Variants in IL1RAPL1 observed in about 807,000 individuals in gnomAD.
IL1RAPL1 encodes interleukin 1 receptor accessory protein like 1, also known as interleukin-1 receptor accessory protein-like 1.
In IL1RAPL1, 3 loss-of-function variants were observed where a neutral mutation model predicts 48.4. That is an observed-to-expected ratio of 0.06 (90% confidence interval 0.03 to 0.16). The LOEUF (loss-of-function observed/expected upper bound fraction) is 0.16, where lower values mean the gene tolerates loss of function less well. Among genes scored for constraint, IL1RAPL1 ranks in the 10% least tolerant of loss-of-function variants. The pLI, the probability that IL1RAPL1 is intolerant of heterozygous loss-of-function variation, is 1.00. For missense variants in IL1RAPL1, 349 were observed against 530.6 expected (o/e 0.66, Z 3.36); for synonymous variants, 185 against 187.7 (o/e 0.99, Z 0.12).
At chrX:29,277,051 A>G (rs1481764030) in intron 2 of IL1RAPL1, among the ~76,000 whole-genome samples, 2 of 112,617 alleles carry the variant, frequency 1.8e-5, no homozygotes, top group African/African-American at 6.4e-5. Flanking sequence ...ACTAAAGAAC[A>G]TAGGGTAACT....
At chrX:28,854,914 C>CA (rs1255930993) in intron 2 of IL1RAPL1, among the ~76,000 whole-genome samples, 1 of 111,876 alleles carries the variant, frequency 8.9e-6, no homozygotes, top group Non-Finnish European at 1.9e-5. Flanking sequence ...CTGGAGTCAG[C>CA]AAGAGTAAAT....
chrX:29,285,524 CAAAAAAAAAAAAAAAAAAAA>C (rs778913919), intron 3 of IL1RAPL1, among the ~76,000 whole-genome samples: 1 of 11,569 alleles, frequency 8.6e-5, no homozygotes. Context: ...AACTCCGTCT[CAAAAAAAAAAAAAAAAAAAA>C]AAAAAAAAAA....
At chrX:29,537,871 G>T (rs965027927) in intron 5 of IL1RAPL1, among the ~76,000 whole-genome samples, 1 of 111,367 alleles carries the variant, frequency 9.0e-6, no homozygotes, top group Non-Finnish European at 1.9e-5. Context: ...TATCATAATT[G>T]TAGCAAAACC....
chrX:29,521,050 A>G (rs1030391635), intron 5 of IL1RAPL1, among the ~76,000 whole-genome samples: 1 of 111,998 alleles, frequency 8.9e-6, no homozygotes, highest in Non-Finnish European at 1.9e-5. Context: ...AGGAAAAGAT[A>G]TGAATATCAA....
At chrX:28,658,773 G>T (rs1934781032) in intron 1 of IL1RAPL1, among the ~76,000 whole-genome samples, 1 of 110,267 alleles carries the variant, frequency 9.1e-6, no homozygotes, top group African/African-American at 3.3e-5. Flanking sequence ...AAATTTAACG[G>T]GTTTATTTAT....
chrX:28,794,957 G>A (rs1936592711), intron 2 of IL1RAPL1, among the ~76,000 whole-genome samples: 1 of 111,675 alleles, frequency 9.0e-6, no homozygotes, highest in Non-Finnish European at 1.9e-5. Context: ...GAGCATTCCT[G>A]TAAGTCAATG....
At position 29,239,982 on chromosome X, in the gene IL1RAPL1, G is replaced by C. The variant is rs62586250; in HGVS notation, c.83-42956G>C. The stretch of plus-strand genomic sequence containing the variant: ...CTGCTTCCTTCTTCCACTTAAGGAT[G>C]GTTATTATTAAATTGGATCCACCTG... On this transcript the variant is annotated intron_variant, in intron 2 of 10. Coordinates refer to ENST00000378993, the MANE Select transcript of IL1RAPL1 (RefSeq NM_014271.4). 4.2e-4 allele frequency among the ~76,000 whole-genome samples: 45 copies of C among 106,464 alleles called. 1 individual carries two copies. The highest frequency in any genetic ancestry group is 1.3e-4 in the Non-Finnish European group (7 of 51,979). The allele number at this position is 106,464 out of a possible 115,157, so 92.5% of individuals were successfully genotyped here. A position where few individuals can be genotyped will look rare whatever the true frequency, so the allele number is the denominator to read the frequency against.
chrX:29,597,451 C>G (rs867376461), intron 5 of IL1RAPL1, among the ~76,000 whole-genome samples: 12 of 111,520 alleles, frequency 1.1e-4, no homozygotes, highest in Non-Finnish European at 1.9e-4. Flanking sequence ...CCACGCCCGG[C>G]CTTGTTGAGG....
At chrX:29,463,830 G>A (rs1934831163) in intron 5 of IL1RAPL1, among the ~76,000 whole-genome samples, 1 of 111,259 alleles carries the variant, frequency 9.0e-6, no homozygotes, top group South Asian at 3.8e-4. Context: ...ACATACTCTG[G>A]GGGAAACCAA....
At chrX:28,900,341 A>G (rs1011983067) in intron 2 of IL1RAPL1, among the ~76,000 whole-genome samples, 1 of 112,094 alleles carries the variant, frequency 8.9e-6, no homozygotes, top group Admixed American at 9.5e-5. Context: ...TAATAGGGCC[A>G]TTAAATTACG....
intron 2 of IL1RAPL1, among the ~76,000 whole-genome samples, chrX:28,805,555 G>A (rs1016228729): frequency 1.8e-5 from 2 of 110,747 alleles, no homozygotes; most frequent in Admixed American, 9.6e-5. Context: ...GTTAACACAG[G>A]GAGAAGCTTT....
intron 8 of IL1RAPL1, among the ~76,000 whole-genome samples, chrX:29,925,429 T>G (rs1263891094): frequency 4.7e-4 from 11 of 23,540 alleles, no homozygotes; most frequent in African/African-American, 1.0e-3. Context: ...TTTTTTTTTT[T>G]TTTTTTTTTT....
At chrX:29,724,846 A>T (rs1263519987) in intron 6 of IL1RAPL1, among the ~76,000 whole-genome samples, 1 of 112,359 alleles carries the variant, frequency 8.9e-6, no homozygotes, top group East Asian at 2.8e-4. Context: ...AGTAAGCATG[A>T]CATAATATTA....
chrX:29,805,981 AAGAG>A (rs370898336), intron 6 of IL1RAPL1, among the ~76,000 whole-genome samples: 9 of 107,065 alleles, frequency 8.4e-5, no homozygotes, highest in African/African-American at 2.7e-4. Context: ...TATATACAGG[AAGAG>A]AGAGAGAGAG....
chrX:29,657,838 T>G lies in IL1RAPL1; in HGVS notation c.704-10592T>G, dbSNP rs779529295. ...AATTAGTGACTGTTTTTTTTTTTTT[T>G]TTTTGGTTTTTTGCCTGTCAATAGA... On this transcript the variant is annotated intron_variant, in intron 5 of 10. Coordinates refer to ENST00000378993, the MANE Select transcript of IL1RAPL1 (RefSeq NM_014271.4). Among the ~76,000 whole-genome samples, 5 of 107,934 alleles carry G rather than the reference T, an allele frequency of 4.6e-5. No individual in the cohort carries two copies. In the South Asian group the frequency reaches 2.1e-3, roughly 45 times the overall value. 93.7% of individuals were successfully genotyped at this position (107,934 alleles called of 115,157 possible). A position where few individuals can be genotyped will look rare whatever the true frequency, so the allele number is the denominator to read the frequency against.
chrX:29,617,246 T>A (rs1924316916), intron 5 of IL1RAPL1, among the ~76,000 whole-genome samples: 1 of 112,484 alleles, frequency 8.9e-6, no homozygotes, highest in Non-Finnish European at 1.9e-5. Flanking sequence ...TCTTAAGAAT[T>A]CTGAAGAAGG....
intron 2 of IL1RAPL1, among the ~76,000 whole-genome samples, chrX:28,926,334 A>T (rs893894940): frequency 8.9e-6 from 1 of 111,888 alleles, no homozygotes; most frequent in Non-Finnish European, 1.9e-5. Flanking sequence ...TTTGAGAATT[A>T]TAGAAGCTAT....
intron 5 of IL1RAPL1, among the ~76,000 whole-genome samples, chrX:29,403,015 C>G (rs770722289): frequency 1.8e-5 from 2 of 111,579 alleles, no homozygotes; most frequent in South Asian, 7.5e-4. Context: ...TGTAAAGTTA[C>G]TCTCTTCCCC....
At chrX:28,708,964 A>G (rs1295967946) in intron 1 of IL1RAPL1, among the ~76,000 whole-genome samples, 12 of 111,740 alleles carry the variant, frequency 1.1e-4, no homozygotes. Context: ...TAACTTAATC[A>G]CTATACGTAG....
Sources: gnomAD v4.1 joint callset for allele counts (sites outside exome capture counted in the v4.1 genomes callset) on GRCh38, gnomAD v4.1.1 for gene constraint, MANE v1.5 for transcripts, NCBI Gene and HGNC (gene_info 2026-07-23, HGNC 2026-07-21) for gene names.